The following PACRGL variants were observed in gnomAD, a reference collection of about 807,000 sequenced individuals.
PACRGL encodes the protein parkin coregulated like.
Under a neutral mutation model 34.5 loss-of-function variants are expected in PACRGL, and 38 were observed. The ratio of observed to expected loss-of-function variants is 1.10; its 90% CI spans 0.85 to 1.44. The LOEUF (loss-of-function observed/expected upper bound fraction) is 1.44, where lower values mean the gene tolerates loss of function less well. Among genes scored for constraint, PACRGL ranks in the 40% most tolerant of loss-of-function variants. The pLI is 0.00. For missense variants in PACRGL, 305 were observed against 281.4 expected (o/e 1.08, Z -0.60); for synonymous variants, 128 against 100.1 (o/e 1.28, Z -1.66).
At chr4:20,720,972 T>C (rs956218719) in intron 7 of PACRGL, among the ~76,000 whole-genome samples, 1 of 152,202 alleles carries the variant, frequency 6.6e-6, no homozygotes, top group Non-Finnish European at 1.5e-5. Context: ...CAATCAGACG[T>C]AGATTTGGTC....
Position 20,709,140 on chromosome 4 carries a change from A to C in PACRGL, c.276-543A>C, listed in dbSNP as rs548012070. The stretch of plus-strand genomic sequence containing the variant: ...GGCAACAAGAGTGAAACTTCGTCTC[A>C]AAAAAAAGCAGTTAAAAGAAGCAGA... On this transcript the variant is annotated intron_variant, in intron 4 of 8. Coordinates refer to ENST00000503585, the MANE Select transcript of PACRGL (RefSeq NM_001258345.3). 3.3e-5 allele frequency among the ~76,000 whole-genome samples: 5 copies of C among 151,712 alleles called. No individual in the cohort carries two copies. The South Asian group carries it at 1.0e-3, about 32-fold the overall frequency.
At chr4:20,746,803 C>G (rs528179710) in intron 8 of PACRGL, among the ~76,000 whole-genome samples, 1 of 152,258 alleles carries the variant, frequency 6.6e-6, no homozygotes, top group Non-Finnish European at 1.5e-5. Context: ...CATATTTCTT[C>G]TGCCTTTCAG....
At chr4:20,735,805 G>C (rs1749490778), downstream of PACRGL, among the ~76,000 whole-genome samples, 1 of 152,128 alleles carries the variant, frequency 6.6e-6, no homozygotes, top group Non-Finnish European at 1.5e-5. Flanking sequence ...AAAGTGCTGG[G>C]ATTACAGGCG....
chr4:20,731,455 G>A lies in PACRGL; in HGVS notation c.*4114G>A. 2 of 985,208 alleles carry A rather than the reference G, an allele frequency of 2.0e-6. No homozygotes were observed. The highest frequency in any genetic ancestry group is 4.7e-5 in the South Asian group (1 of 21,278). 61.0% of individuals were successfully genotyped at this position (985,208 alleles called of 1,614,324 possible). A position where few individuals can be genotyped will look rare whatever the true frequency, so the allele number is the denominator to read the frequency against. On this transcript the variant is annotated 3_prime_UTR_variant, in exon 9 of 9. Transcript: ENST00000503585. ...GCTAACACTGGTTTCTTTGATAACA[G>A]GCTACTACCTGGAGTTCTCTTCAGA...
chr4:20,717,037 G>C (rs1740414262), intron 7 of PACRGL, among the ~76,000 whole-genome samples: 1 of 152,218 alleles, frequency 6.6e-6, no homozygotes, highest in Admixed American at 6.5e-5. Flanking sequence ...TAACTGGTGT[G>C]AGATGGTATC....
intron 8 of PACRGL, among the ~76,000 whole-genome samples, chr4:20,747,737 C>T (rs55702134): frequency 0.041 from 6,194 of 152,214 alleles, 163 homozygotes; most frequent in Non-Finnish European, 0.065. Flanking sequence ...CCAGAATCTT[C>T]GCAGTTGTGG....
At chr4:20,726,937 C>G (rs921313395) in intron 8 of PACRGL, among the ~76,000 whole-genome samples, 3 of 152,124 alleles carry the variant, frequency 2.0e-5, no homozygotes, top group Admixed American at 6.6e-5. Flanking sequence ...TTTACTCTTC[C>G]TAGTCATCAG....
intron 8 of PACRGL, among the ~76,000 whole-genome samples, chr4:20,741,408 T>C (rs189087249): frequency 1.1e-4 from 17 of 151,990 alleles, no homozygotes; most frequent in African/African-American, 3.6e-4. Context: ...AAACTCAAGA[T>C]TGAAACTCAC....
intron 7 of PACRGL, among the ~76,000 whole-genome samples, chr4:20,720,832 G>T (rs1742723235): frequency 6.6e-6 from 1 of 151,976 alleles, no homozygotes; most frequent in Non-Finnish European, 1.5e-5. Context: ...GAAGTATCTT[G>T]GTGGCATTCT....
Position 20,701,620 on chromosome 4 carries a change from C to G in PACRGL, c.-17+833C>G, listed in dbSNP as rs1578085807. ...CCAAGGATAAGATTTTTAAAGCTTG[C>G]TTTCACAAACAACTCATGCTCCAGG... On this transcript the variant is annotated intron_variant, in intron 1 of 8. Coordinates refer to ENST00000503585, the MANE Select transcript of PACRGL (RefSeq NM_001258345.3). 3 of 286,084 alleles carry G rather than the reference C, an allele frequency of 1.0e-5. No homozygotes were observed. The East Asian group carries it at 2.4e-4, about 23-fold the overall frequency. The allele number at this position is 286,084 out of a possible 1,614,324, so 17.7% of individuals were successfully genotyped here. A position where few individuals can be genotyped will look rare whatever the true frequency, so the allele number is the denominator to read the frequency against.
At chr4:20,762,002 C>T in the PACRGL span, among the ~76,000 whole-genome samples, 1 of 152,178 alleles carries the variant, frequency 6.6e-6, no homozygotes, top group Admixed American at 6.5e-5. Flanking sequence ...CATGGAACCT[C>T]TATCCAACTA....
At chr4:20,734,618 C>A, downstream of PACRGL, 1 of 1,190,530 alleles carries the variant, frequency 8.4e-7, no homozygotes, top group Non-Finnish European at 1.2e-6. Context: ...GTTGGTGAGG[C>A]ATCCCTTACC....
the PACRGL span, chr4:20,766,867 C>T: frequency 6.6e-6 from 1 of 152,086 alleles, no homozygotes. Context: ...CTGGGTTGAA[C>T]CCCTACTCTG....
chr4:20,731,070 G>A lies in PACRGL; in HGVS notation c.*3729G>A, dbSNP rs907280115. Among the ~76,000 whole-genome samples, 1 of 152,090 alleles carries A rather than the reference G, an allele frequency of 6.6e-6. No homozygotes were observed. The highest frequency in any genetic ancestry group is 2.4e-5 in the African/African-American group (1 of 41,416). On this transcript the variant is annotated 3_prime_UTR_variant, in exon 9 of 9. Transcript: ENST00000503585. ...GATTTCTTTGTTTTCAGGATTATTT[G>A]AAAAATTCTTTTTTTCTTTTTTTAG...
rs369854854 is a variant in PACRGL at position 20,714,199 on chromosome 4, A to G, written c.609+660A>G. On this transcript the variant is annotated intron_variant, in intron 7 of 8. Transcript: ENST00000503585. ...GGGTGCTCCTGTATTGGGTGCATAT[A>G]TATTTAGGATAGTTAGCTCTTCTTG... Among the ~76,000 whole-genome samples, 351 of 152,244 alleles carry G rather than the reference A, an allele frequency of 2.3e-3. 7 individuals are homozygous for G. In the South Asian group the frequency reaches 0.046, roughly 20 times the overall value.
intron 8 of PACRGL, among the ~76,000 whole-genome samples, chr4:20,743,894 A>T (rs1751777683): frequency 6.6e-6 from 1 of 151,992 alleles, no homozygotes; most frequent in Admixed American, 6.6e-5. Flanking sequence ...TAATATCCAG[A>T]ATCTACAAAG....
chr4:20,715,295 G>A (rs1436092706), intron 7 of PACRGL, among the ~76,000 whole-genome samples: 7 of 151,942 alleles, frequency 4.6e-5, no homozygotes, highest in Non-Finnish European at 1.0e-4. Context: ...AGTGGGGAGG[G>A]ATAGCATTAG....
In PACRGL at chr4:20,729,924, C is replaced by CAAATCTTTTGGGGATTGCTTTA. The variant is rs1747532451; in HGVS notation, c.*2584_*2605dup. 6.3e-6 allele frequency: 5 copies of CAAATCTTTTGGGGATTGCTTTA among 796,098 alleles called. No individual in the cohort carries two copies. Among genetic ancestry groups the CAAATCTTTTGGGGATTGCTTTA allele is most frequent in the Admixed American group, 3.8e-5 (1 of 26,224 alleles). 49.3% of individuals were successfully genotyped at this position (796,098 alleles called of 1,614,324 possible). On this transcript the variant is annotated 3_prime_UTR_variant, in exon 9 of 9. Coordinates refer to ENST00000503585, the MANE Select transcript of PACRGL (RefSeq NM_001258345.3). The stretch of plus-strand genomic sequence containing the variant: ...GGATGCAAATTTATAACTGAAAGCT[C>CAAATCTTTTGGGGATTGCTTTA]AAATCTTTTGGGGATTGCTTTATAT...
At chr4:20,707,430 T>C (rs1735023402) in intron 3 of PACRGL, among the ~76,000 whole-genome samples, 1 of 152,232 alleles carries the variant, frequency 6.6e-6, no homozygotes. Flanking sequence ...CTACGCCATC[T>C]GTATTTGGCT....
Sources: gnomAD v4.1 joint callset for allele counts (sites outside exome capture counted in the v4.1 genomes callset) on GRCh38, gnomAD v4.1.1 for gene constraint, MANE v1.5 for transcripts, NCBI Gene and HGNC (gene_info 2026-07-23, HGNC 2026-07-21) for gene names.